BMERB1: variants seen among roughly 807,000 people sequenced by gnomAD.
BMERB1 encodes bMERB domain-containing protein 1.
Under a neutral mutation model 23.6 loss-of-function variants are expected in BMERB1, and 12 were observed. That is an observed-to-expected ratio of 0.51 (90% CI 0.33 to 0.82). BMERB1 has a LOEUF of 0.82. BMERB1 is among the 40% of genes least tolerant of loss of function. The probability of loss-of-function intolerance (pLI) is 0.03; values close to 1 mark genes in which losing one functional copy is unlikely to be tolerated. For missense variants in BMERB1, 247 were observed against 255.4 expected (o/e 0.97, Z 0.22); for synonymous variants, 122 against 96.6 (o/e 1.26, Z -1.54).
At position 15,581,273 on chromosome 16, in the gene BMERB1, C is replaced by T; in HGVS notation, c.361C>T (p.His121Tyr). 1 of 1,614,012 alleles carries T rather than the reference C, an allele frequency of 6.2e-7. No individual in the cohort carries two copies. Among genetic ancestry groups the T allele is most frequent in the Non-Finnish European group, 8.5e-7 (1 of 1,179,962 alleles). ...AGAGGATGAGCTAATCCAGAAGATC[C>T]ACAAACTGGTGCAGAAGAGAGACTT... ...QREDELIQKIHKLVQKRDFLV... is the reference protein window; with the variant it reads ...QREDELIQKIYKLVQKRDFLV... Residue 121 changes from histidine (H) to tyrosine (Y), a missense_variant, in exon 4 of 6, where the codon CAC (histidine) becomes TAC (tyrosine). By Grantham distance (83) the His-to-Tyr change is moderately conservative (BLOSUM62 2). Coordinates refer to ENST00000300006, the MANE Select transcript of BMERB1 (RefSeq NM_033201.3).
chr16:15,531,071 A>AT (rs1002977170), intron 2 of BMERB1, among the ~76,000 whole-genome samples: 17 of 150,428 alleles, frequency 1.1e-4, no homozygotes, highest in South Asian at 6.3e-4. Context: ...TGCCCAGCTA[A>AT]TTTTTTTTTG....
chr16:15,542,631 ATT>A (rs927255507), intron 2 of BMERB1, among the ~76,000 whole-genome samples: 26 of 96,852 alleles, frequency 2.7e-4, no homozygotes, highest in Admixed American at 6.6e-4. Flanking sequence ...CCTCCTAGGG[ATT>A]TTTTTTTTTT....
chr16:15,539,292 C>T (rs377612873), intron 2 of BMERB1, among the ~76,000 whole-genome samples: 3 of 151,988 alleles, frequency 2.0e-5, no homozygotes, highest in Non-Finnish European at 2.9e-5. Flanking sequence ...CTAATGCAGC[C>T]GCTGATCTGA....
rs568972765 is a variant in BMERB1, at chr16:15,501,595, G to A, written c.107-13710G>A. Among the ~76,000 whole-genome samples, 446 of 152,124 alleles carry A rather than the reference G, an allele frequency of 2.9e-3. 5 individuals carry two copies. Among genetic ancestry groups the A allele is most frequent in the African/African-American group, 0.01 (428 of 41,516 alleles). On this transcript the variant is annotated intron_variant, in intron 1 of 5. Coordinates refer to ENST00000300006, the MANE Select transcript of BMERB1 (RefSeq NM_033201.3). ...GTTCAAGCAATTCTCCTGCCTCAGCGTCCTGAATAGCTGGGATTACAGGCA... is the reference window on the plus strand; with the variant it reads ...GTTCAAGCAATTCTCCTGCCTCAGCATCCTGAATAGCTGGGATTACAGGCA...
At position 15,436,036 on chromosome 16, in the gene BMERB1, GTTTC is replaced by G. The variant is rs566193569; in HGVS notation, c.106+1285_106+1288del. On this transcript the variant is annotated intron_variant, in intron 1 of 5. Coordinates refer to ENST00000300006, the MANE Select transcript of BMERB1 (RefSeq NM_033201.3). ...CAGGGCGTCAGGGCTGAGGGTCTCT[GTTTC>G]TTTCTTTAATTTTTAAGTGCACATA... 8.6e-5 allele frequency among the ~76,000 whole-genome samples: 13 copies of G among 152,022 alleles called. No homozygotes were observed. In the East Asian group the frequency reaches 1.2e-3, roughly 14 times the overall value.
At chr16:15,502,748 C>T (rs943466922) in intron 1 of BMERB1, among the ~76,000 whole-genome samples, 1 of 152,120 alleles carries the variant, frequency 6.6e-6, no homozygotes, top group Admixed American at 6.6e-5. Flanking sequence ...CAGCAACTGG[C>T]TTCTTGACAA....
chr16:15,453,056 C>T (rs979755373), intron 1 of BMERB1, among the ~76,000 whole-genome samples: 16 of 152,040 alleles, frequency 1.1e-4, no homozygotes, highest in Admixed American at 6.6e-5. Flanking sequence ...CCTGTAATCC[C>T]AGCTACTCGG....
At chr16:15,440,566 G>C (rs1339397792) in intron 1 of BMERB1, among the ~76,000 whole-genome samples, 1 of 151,728 alleles carries the variant, frequency 6.6e-6, no homozygotes, top group African/African-American at 2.4e-5. Flanking sequence ...TTTTATTTTG[G>C]TTTTGCATCA....
rs577902753 is a variant in BMERB1, at chr16:15,515,244, G to A, written c.107-61G>A. ...AAGGCTGTGCCCTGGAACCATGTCA[G>A]GGTCTGTCCCATGGTGCAGCCTTGG... On this transcript the variant is annotated intron_variant, in intron 1 of 5. Transcript: ENST00000300006. 306 of 1,607,128 alleles carry A rather than the reference G, an allele frequency of 1.9e-4. 1 individual carries two copies. The Middle Eastern group carries it at 2.0e-3, about 10-fold the overall frequency.
At chr16:15,566,279 A>C (rs1251176447) in intron 2 of BMERB1, among the ~76,000 whole-genome samples, 1 of 152,218 alleles carries the variant, frequency 6.6e-6, no homozygotes. Context: ...AATTACTGAG[A>C]TGACAGGAGC....
intron 2 of BMERB1, among the ~76,000 whole-genome samples, chr16:15,563,938 G>A (rs1371335269): frequency 2.0e-5 from 3 of 152,154 alleles, no homozygotes. Flanking sequence ...AATAGATTAA[G>A]CTCTTCCTGG....
At chr16:15,442,245 C>T (rs1041144364) in intron 1 of BMERB1, among the ~76,000 whole-genome samples, 29 of 151,650 alleles carry the variant, frequency 1.9e-4, no homozygotes, top group African/African-American at 7.0e-4. Flanking sequence ...GCGGGAGACT[C>T]ACTTGAACCA....
At chr16:15,440,398 G>A (rs550555907) in intron 1 of BMERB1, among the ~76,000 whole-genome samples, 1 of 152,098 alleles carries the variant, frequency 6.6e-6, no homozygotes, top group African/African-American at 2.4e-5. Flanking sequence ...TCAAAGTTGT[G>A]TACTGACTAA....
At position 15,562,989 on chromosome 16, in the gene BMERB1, T is replaced by A. The variant is rs982834422; in HGVS notation, c.231-4994T>A. Among the ~76,000 whole-genome samples the A allele has an allele frequency of 3.3e-5, 5 of 152,312 alleles. No homozygotes were observed. In the East Asian group the frequency reaches 9.6e-4, roughly 29 times the overall value. ...TGGCATTAGAATGGACAGCATGAGT[T>A]GTTCTTGAGTGGCAAAAGGCAAGGG... On this transcript the variant is annotated intron_variant, in intron 2 of 5. Transcript: ENST00000300006.
At chr16:15,573,833 C>T (rs2030792507) in intron 3 of BMERB1, among the ~76,000 whole-genome samples, 1 of 147,136 alleles carries the variant, frequency 6.8e-6, no homozygotes, top group African/African-American at 2.5e-5. Context: ...CTGGGGAAGC[C>T]TCAGGAAACT....
chr16:15,511,739 CG>C (rs1156683391), intron 1 of BMERB1, among the ~76,000 whole-genome samples: 4 of 152,130 alleles, frequency 2.6e-5, no homozygotes, highest in Non-Finnish European at 5.9e-5. Flanking sequence ...AGGCCAGGCA[CG>C]GTGGCTCGCG....
chr16:15,467,700 T>C (rs1449959476), intron 1 of BMERB1, among the ~76,000 whole-genome samples: 2 of 152,212 alleles, frequency 1.3e-5, no homozygotes, highest in Non-Finnish European at 2.9e-5. Flanking sequence ...TATTTGAAGA[T>C]ACTTATTCTG....
intron 2 of BMERB1, 146 bp from the exon 3 acceptor site, chr16:15,567,837 T>A: frequency 1.5e-6 from 1 of 650,258 alleles, no homozygotes; most frequent in Non-Finnish European, 2.6e-6. Context: ...GCTTTTTCCT[T>A]TTGAGGGAAA....
intron 5 of BMERB1, chr16:15,584,328 G>A (rs1015206460): frequency 9.6e-6 from 3 of 314,130 alleles, no homozygotes; most frequent in Non-Finnish European, 1.8e-5. Flanking sequence ...GGGAGGCCGA[G>A]GCGGGCGGAT....
Sources: allele counts gnomAD v4.1 joint callset (sites outside exome capture counted in the v4.1 genomes callset), GRCh38; gene constraint gnomAD v4.1.1; transcripts MANE v1.5; gene names NCBI Gene and HGNC (gene_info 2026-07-23, HGNC 2026-07-21).